Variants in SGCZ observed in about 807,000 individuals in gnomAD.
SGCZ encodes sarcoglycan zeta.
In SGCZ, 40 loss-of-function variants were observed where a neutral mutation model predicts 41.3. That is an observed-to-expected ratio of 0.97 (90% CI 0.75 to 1.26). The LOEUF is 1.26. Ranked by LOEUF, SGCZ falls within the 50% of genes most tolerant of loss-of-function variation. SGCZ has a pLI of 0.00. For missense variants in SGCZ, 552 were observed against 369.8 expected, an observed-to-expected ratio of 1.49 and a Z score of -4.04; for synonymous variants, 206 against 137.5, an observed-to-expected ratio of 1.50 and a Z score of -3.49.
chr8:14,456,305 G>C (rs1210079294), intron 2 of SGCZ, among the ~76,000 whole-genome samples: 1 of 152,128 alleles, frequency 6.6e-6, no homozygotes, highest in Non-Finnish European at 1.5e-5. Flanking sequence ...CTACTTGGGG[G>C]GCTGAGGCGG....
intron 1 of SGCZ, among the ~76,000 whole-genome samples, chr8:14,885,763 T>A (rs552575779): frequency 6.6e-6 from 1 of 152,016 alleles, no homozygotes; most frequent in South Asian, 2.1e-4. Context: ...TTTTAATCAG[T>A]CTTTTAAAAA....
chr8:14,608,260 CT>C (rs35064962), intron 1 of SGCZ, among the ~76,000 whole-genome samples: 443 of 148,092 alleles, frequency 3.0e-3, no homozygotes, highest in African/African-American at 0.01. Flanking sequence ...TTATTTGAGG[CT>C]TTTTTTTTTG....
At chr8:14,823,832 T>C (rs1198005303) in intron 1 of SGCZ, among the ~76,000 whole-genome samples, 2 of 152,084 alleles carry the variant, frequency 1.3e-5, no homozygotes, top group African/African-American at 2.4e-5. Context: ...AAACTGAGCA[T>C]GCAGTAACAG....
chr8:14,404,419 A>G (rs1246608121), intron 2 of SGCZ, among the ~76,000 whole-genome samples: 4 of 152,180 alleles, frequency 2.6e-5, no homozygotes, highest in African/African-American at 9.6e-5. Flanking sequence ...ATTTTTGAGC[A>G]TTCAAAGAGG....
At chr8:14,394,751 T>C (rs972380331) in intron 2 of SGCZ, among the ~76,000 whole-genome samples, 2 of 152,064 alleles carry the variant, frequency 1.3e-5, no homozygotes, top group African/African-American at 2.4e-5. Flanking sequence ...TTTTCAGCGA[T>C]TGGGTGGAAG....
intron 1 of SGCZ, among the ~76,000 whole-genome samples, chr8:14,782,316 A>T (rs1800616744): frequency 6.6e-6 from 1 of 152,204 alleles, no homozygotes; most frequent in African/African-American, 2.4e-5. Flanking sequence ...CTTTGTGTGC[A>T]GTAAAAGCAA....
intron 1 of SGCZ, among the ~76,000 whole-genome samples, chr8:15,165,348 C>T (rs1799633947): frequency 6.6e-6 from 1 of 152,056 alleles, no homozygotes. Flanking sequence ...GCTGTGGAAC[C>T]TTTCAGTTCA....
chr8:14,918,841 C>T (rs992730279), intron 1 of SGCZ, among the ~76,000 whole-genome samples: 2 of 152,136 alleles, frequency 1.3e-5, no homozygotes, highest in African/African-American at 4.8e-5. Context: ...TGCTTGGTGC[C>T]AAGAGGCAGC....
At chr8:14,363,159 G>T (rs1040192952) in intron 2 of SGCZ, among the ~76,000 whole-genome samples, 2 of 151,968 alleles carry the variant, frequency 1.3e-5, no homozygotes, top group African/African-American at 4.8e-5. Context: ...AAAAACTAAA[G>T]ACATTCTGAA....
intron 1 of SGCZ, among the ~76,000 whole-genome samples, chr8:14,989,267 G>A (rs1801928376): frequency 1.3e-5 from 2 of 152,124 alleles, no homozygotes; most frequent in Admixed American, 6.6e-5. Context: ...TACATAGGAG[G>A]ATGATTGCAA....
intron 2 of SGCZ, among the ~76,000 whole-genome samples, chr8:14,370,629 A>T (rs1803877123): frequency 6.6e-6 from 1 of 151,918 alleles, no homozygotes; most frequent in Non-Finnish European, 1.5e-5. Context: ...TATTGAAAGA[A>T]TTAAATTTTA....
chr8:14,143,213 C>A (rs75274569), intron 5 of SGCZ, among the ~76,000 whole-genome samples: 1,738 of 152,196 alleles, frequency 0.011, 33 homozygotes, highest in African/African-American at 0.039. Context: ...AAACATTGTA[C>A]GTAATGATGA....
intron 1 of SGCZ, among the ~76,000 whole-genome samples, chr8:14,887,822 T>A (rs1804867373): frequency 6.6e-6 from 1 of 152,146 alleles, no homozygotes; most frequent in Non-Finnish European, 1.5e-5. Context: ...TATCTCATTT[T>A]CCCTAATATA....
At chr8:14,894,974 C>A (rs1235445035) in intron 1 of SGCZ, among the ~76,000 whole-genome samples, 1 of 152,138 alleles carries the variant, frequency 6.6e-6, no homozygotes, top group South Asian at 2.1e-4. Flanking sequence ...GCAAAAAAAT[C>A]TTTATATCTT....
chr8:14,541,550 G>T (rs1025560405), intron 2 of SGCZ, among the ~76,000 whole-genome samples: 1 of 152,000 alleles, frequency 6.6e-6, no homozygotes, highest in Non-Finnish European at 1.5e-5. Context: ...TCATTGATGG[G>T]TATTTGGGTT....
At chr8:15,101,111 C>A (rs186109682) in intron 1 of SGCZ, among the ~76,000 whole-genome samples, 9 of 152,114 alleles carry the variant, frequency 5.9e-5, no homozygotes. Flanking sequence ...TAACTCGAAT[C>A]GTAGACCTAA....
chr8:14,745,634 T>TA (rs1321523866), intron 1 of SGCZ, among the ~76,000 whole-genome samples: 3 of 151,886 alleles, frequency 2.0e-5, no homozygotes, highest in African/African-American at 7.3e-5. Flanking sequence ...TATGTACATA[T>TA]ATACACACAC....
rs949098040 is a variant in SGCZ at position 14,388,469 on chromosome 8, A to G, written c.235-64265T>C. On this transcript the variant is annotated intron_variant, in intron 2 of 7. Coordinates refer to ENST00000382080, the MANE Select transcript of SGCZ (RefSeq NM_139167.4). ...GGCCTGGAAAATGGTGAGAGATTAT[A>G]CCATCTATCTGATGATTTTAATTTT... is the stretch of plus-strand genomic sequence containing the variant. Among the ~76,000 whole-genome samples, 11 of 152,158 alleles carry G rather than the reference A, an allele frequency of 7.2e-5. No homozygotes were observed. The South Asian group carries it at 1.9e-3, about 26-fold the overall frequency.
intron 2 of SGCZ, among the ~76,000 whole-genome samples, chr8:14,459,260 C>T (rs1343378975): frequency 6.6e-6 from 1 of 151,780 alleles, no homozygotes; most frequent in East Asian, 1.9e-4. Flanking sequence ...CACACCGGGG[C>T]CTGTTGTGGG....
Sources: gnomAD v4.1 joint callset for allele counts (sites outside exome capture counted in the v4.1 genomes callset) on GRCh38, gnomAD v4.1.1 for gene constraint, MANE v1.5 for transcripts, NCBI Gene and HGNC (gene_info 2026-07-23, HGNC 2026-07-21) for gene names.